RASAL1: variants seen among roughly 807,000 people sequenced by gnomAD.
The protein encoded by RASAL1 is rasGAP-activating-like protein 1.
RASAL1 carries 72 observed loss-of-function variants against 96.6 expected under a neutral mutation model. That is an observed-to-expected ratio of 0.75 (90% confidence interval 0.62 to 0.91). RASAL1 has a LOEUF of 0.91. Ranked by LOEUF, RASAL1 falls within the 40% of genes least tolerant of loss-of-function variation. The pLI is 0.00. For missense variants in RASAL1, 1,016 were observed against 1,072.5 expected (o/e 0.95, Z 0.74); for synonymous variants, 405 against 430.4 (o/e 0.94, Z 0.73).
chr12:113,125,147 G>A (rs549240404), intron 4 of RASAL1, among the ~76,000 whole-genome samples: 10 of 151,500 alleles, frequency 6.6e-5, no homozygotes, highest in African/African-American at 2.4e-4. Context: ...GTTTGTGTAT[G>A]TAATACATTA....
intron 2 of RASAL1, among the ~76,000 whole-genome samples, chr12:113,128,813 C>T (rs572881911): frequency 6.6e-6 from 1 of 152,224 alleles, no homozygotes; most frequent in East Asian, 1.9e-4. Context: ...CAGATAGACA[C>T]ATAGAAAACA....
Position 113,115,509 on chromosome 12 carries a change from C to T in RASAL1, c.1003+126G>A, listed in dbSNP as rs925060099. 10 of 1,309,706 alleles carry T rather than the reference C, an allele frequency of 7.6e-6. No individual in the cohort carries two copies. Among genetic ancestry groups the T allele is most frequent in the African/African-American group, 1.5e-5 (1 of 67,658 alleles). The allele number at this position is 1,309,706 out of a possible 1,614,324, so 81.1% of individuals were successfully genotyped here. On this transcript the variant is annotated intron_variant, in intron 10 of 20. Transcript: ENST00000548055. The surrounding 1 kb of genome is among the most constrained non-coding windows in gnomAD (Gnocchi z 4.1). ...CTCCCAACTGTCTGGAGGTGCACAG[C>T]ACAGGGACCCACAGAAAAAGGAGCC...
At chr12:113,101,762 G>A (rs1330206357) in intron 19 of RASAL1, 127 bp downstream of exon 19, 2 of 1,263,482 alleles carry the variant, frequency 1.6e-6, no homozygotes, top group Non-Finnish European at 2.1e-6. Flanking sequence ...CCCACCCTGG[G>A]CCAGGCCCCC....
chr12:113,128,165 A>G lies in RASAL1; in HGVS notation c.136T>C (p.Trp46Arg). The G allele has an allele frequency of 5.6e-6, 9 of 1,613,328 alleles. No homozygotes were observed. Among genetic ancestry groups the G allele is most frequent in the Non-Finnish European group, 7.6e-6 (9 of 1,179,676 alleles). ...DEVVARTATV[W>R]RSLGPFWGEE... ...CCCCAGAAGGGGCCCAGGCTCCTCC[A>G]GACAGTAGCTGTCCTGCAAAAGGAG... The change falls in exon 3 of 21, where the codon TGG becomes CGG. Residue 46 changes from tryptophan (W) to arginine (R), a missense_variant. Coordinates refer to ENST00000548055, the MANE Select transcript of RASAL1 (RefSeq NM_001301202.2).
chr12:113,130,922 A>AG lies in RASAL1; in HGVS notation c.84dup (p.Tyr29LeufsTer47). ...TCGTCGTCCACTTTCACTAGGCAGT[A>AG]GGGGTCGCTGCTCCCAGACCTGCAG... On this transcript the variant is annotated frameshift_variant, in exon 2 of 21. Coordinates refer to ENST00000548055, the MANE Select transcript of RASAL1 (RefSeq NM_001301202.2). LOFTEE classifies it high-confidence loss of function. This position sits in a 1 kb window ranked among gnomAD's most constrained non-coding sequence, Gnocchi z 5.1. 3 of 1,613,592 alleles carry AG rather than the reference A, an allele frequency of 1.9e-6. No homozygotes were observed. Among genetic ancestry groups the AG allele is most frequent in the Non-Finnish European group, 2.5e-6 (3 of 1,179,778 alleles).
chr12:113,116,560 A>G (rs971061754), intron 8 of RASAL1, among the ~76,000 whole-genome samples: 1 of 152,204 alleles, frequency 6.6e-6, no homozygotes, highest in African/African-American at 2.4e-5. Context: ...GTGAACAGGC[A>G]TAAATAGGAA....
intron 4 of RASAL1, among the ~76,000 whole-genome samples, chr12:113,126,454 G>T (rs942760946): frequency 1.3e-5 from 2 of 152,070 alleles, no homozygotes; most frequent in Non-Finnish European, 2.9e-5. Context: ...GCCAAGGCAG[G>T]TGGATCACTT....
At position 113,104,233 on chromosome 12, in the gene RASAL1, T is replaced by C. The variant is rs1283140680; in HGVS notation, c.1896A>G (p.Gln632=). ...TCACCACCTGCATCACGTGGGGCAG[T>C]TGGAAGGCGCCCTCGTCTACGCGCT... ...AVERVDEGAF[Q]LPHVMQVVTQ... The change falls in exon 17 of 21, where the codon CAA becomes CAG. Residue 632 remains glutamine (Q), a synonymous_variant. Transcript: ENST00000548055. 1.9e-6 allele frequency: 3 copies of C among 1,606,014 alleles called. No homozygotes were observed. The highest frequency in any genetic ancestry group is 2.5e-6 in the Non-Finnish European group (3 of 1,176,756).
chr12:113,127,968 G>A, intron 3 of RASAL1, 95 bp from the exon 4 acceptor site: 6 of 1,542,046 alleles, frequency 3.9e-6, no homozygotes, highest in Non-Finnish European at 4.5e-6. Context: ...GGGTGGGAGG[G>A]CACACCCTCG....
chr12:113,131,500 G>C (rs980191133), intron 1 of RASAL1, among the ~76,000 whole-genome samples: 7 of 152,118 alleles, frequency 4.6e-5, no homozygotes, highest in African/African-American at 1.7e-4. Flanking sequence ...CCCTGGGAAG[G>C]GGACTCCCCA....
chr12:113,102,456 G>A (rs1385401835), intron 18 of RASAL1, among the ~76,000 whole-genome samples: 1 of 152,194 alleles, frequency 6.6e-6, no homozygotes, highest in Non-Finnish European at 1.5e-5. Context: ...TACTTGGGAG[G>A]CTGAGGCAGG....
chr12:113,116,883 C>T lies in RASAL1; in HGVS notation c.731+190G>A, dbSNP rs150321616. 7.9e-5 allele frequency among the ~76,000 whole-genome samples: 12 copies of T among 152,302 alleles called. No homozygotes were observed. In the East Asian group the frequency reaches 1.2e-3, roughly 15 times the overall value. On this transcript the variant is annotated intron_variant, in intron 8 of 20. Coordinates refer to ENST00000548055, the MANE Select transcript of RASAL1 (RefSeq NM_001301202.2). ...ACATGTTTGCACATGAACAGGTGAA[C>T]GGGTGTAAAGTGAACTTATGTGGAT...
In RASAL1 at chr12:113,123,995, T is replaced by C. The variant is rs184939279; in HGVS notation, c.299-2357A>G. Reference sequence around the variant, plus strand: ...AAAAGTTTGGGAAGCCAAGGTGAGCTGATCACCTGAGGTCAGGAGTTTGAG... The same window carrying C: ...AAAAGTTTGGGAAGCCAAGGTGAGCCGATCACCTGAGGTCAGGAGTTTGAG... On this transcript the variant is annotated intron_variant, in intron 4 of 20. Coordinates refer to ENST00000548055, the MANE Select transcript of RASAL1 (RefSeq NM_001301202.2). Among the ~76,000 whole-genome samples the C allele has an allele frequency of 8.2e-3, 1,246 of 152,070 alleles. 12 individuals carry two copies. Among genetic ancestry groups the C allele is most frequent in the Middle Eastern group, 0.017 (5 of 294 alleles).
At chr12:113,132,205 T>C (rs1951741605) in intron 1 of RASAL1, among the ~76,000 whole-genome samples, 1 of 152,100 alleles carries the variant, frequency 6.6e-6, no homozygotes, top group Admixed American at 6.5e-5. Flanking sequence ...ACTCCTGGCC[T>C]CCAGTAATCC....
intron 19 of RASAL1, among the ~76,000 whole-genome samples, chr12:113,101,148 T>C (rs1200215671): frequency 2.0e-5 from 3 of 152,216 alleles, no homozygotes; most frequent in Non-Finnish European, 4.4e-5. Flanking sequence ...CAGTGGCTCA[T>C]GCCTGTAATC....
chr12:113,114,710 G>C (rs769438433), intron 12 of RASAL1, 90 bp downstream of exon 12: 12 of 1,082,196 alleles, frequency 1.1e-5, no homozygotes, highest in Non-Finnish European at 1.4e-6. Flanking sequence ...CCCAGGGTGG[G>C]TGGCAGTCAG....
chr12:113,100,137 T>C, intron 20 of RASAL1, 69 bp from the exon 21 acceptor site: 5 of 1,457,370 alleles, frequency 3.4e-6, no homozygotes, highest in African/African-American at 1.4e-5. Flanking sequence ...CCGGACCCAA[T>C]GGTTTCTCAT....
At position 113,119,394 on chromosome 12, in the gene RASAL1, C is replaced by T. The variant is rs771520960; in HGVS notation, c.478G>A (p.Val160Met). The T allele has an allele frequency of 1.9e-6, 3 of 1,611,978 alleles. No individual in the cohort carries two copies. In the South Asian group the frequency reaches 3.3e-5, roughly 18 times the overall value. ...TCCAAGCTCTGGCTGCCCCAAAACA[C>T]ACGTGCAAATGGGTCAGATGTGCCA... ...ISGTSDPFARVFWGSQSLETS... is the reference protein window; with the variant it reads ...ISGTSDPFARMFWGSQSLETS... The change falls in exon 6 of 21, where the codon GTG (valine) becomes ATG (methionine). Residue 160 changes from valine to methionine, a missense_variant. Val to Met is a conservative substitution (Grantham distance 21). Transcript: ENST00000548055.
chr12:113,117,808 C>A (rs981894258), intron 7 of RASAL1, among the ~76,000 whole-genome samples: 5 of 152,172 alleles, frequency 3.3e-5, no homozygotes, highest in African/African-American at 1.2e-4. Flanking sequence ...TAAATGGAAT[C>A]ATATGTGTTT....
Sources: gnomAD v4.1 joint callset for allele counts (sites outside exome capture counted in the v4.1 genomes callset) on GRCh38, gnomAD v4.1.1 for gene constraint, Gnocchi (gnomAD v3.1) non-coding constraint, MANE v1.5 for transcripts, NCBI Gene and HGNC (gene_info 2026-07-23, HGNC 2026-07-21) for gene names.